The following KIAA1958 variants were observed in gnomAD, a reference collection of about 807,000 sequenced individuals.
KIAA1958 encodes uncharacterized protein KIAA1958.
In KIAA1958, 14 loss-of-function variants were observed where a neutral mutation model predicts 47.2. That is an observed-to-expected ratio of 0.30 (90% CI 0.20 to 0.46). The LOEUF is 0.46. Among genes scored for constraint, KIAA1958 ranks in the 20% least tolerant of loss-of-function variants. KIAA1958 has a pLI of 1.00. For missense variants in KIAA1958, 803 were observed against 909.2 expected (o/e 0.88, Z 1.50); for synonymous variants, 354 against 353.3 (o/e 1.00, Z -0.02).
intron 1 of KIAA1958, among the ~76,000 whole-genome samples, chr9:112,544,278 G>A (rs1483035963): frequency 6.6e-6 from 1 of 152,166 alleles, no homozygotes; most frequent in Non-Finnish European, 1.5e-5. Flanking sequence ...AGGGCCCTGC[G>A]AGACCACTAT....
In KIAA1958 at chr9:112,524,864, G is replaced by A. The variant is rs138152461; in HGVS notation, c.-25+37746G>A. Among the ~76,000 whole-genome samples the A allele has an allele frequency of 2.4e-4, 36 of 152,314 alleles. No homozygotes were observed. The East Asian group carries it at 6.7e-3, about 29-fold the overall frequency. ...TTCACAGCGCCCTGATGCTTCCAAAGGAGTCAAGGCTTATCACTATGGTAA... is the reference window on the plus strand; with the variant it reads ...TTCACAGCGCCCTGATGCTTCCAAAAGAGTCAAGGCTTATCACTATGGTAA... On this transcript the variant is annotated intron_variant, in intron 1 of 3. Coordinates refer to ENST00000337530, the MANE Select transcript of KIAA1958 (RefSeq NM_133465.4).
chr9:112,570,144 CAAAT>C (rs1835508075), intron 1 of KIAA1958, among the ~76,000 whole-genome samples: 1 of 152,202 alleles, frequency 6.6e-6, no homozygotes, highest in African/African-American at 2.4e-5. Context: ...CTTTGACAGT[CAAAT>C]AACTAATCAA....
chr9:112,508,464 A>G (rs1834270116), intron 1 of KIAA1958, among the ~76,000 whole-genome samples: 1 of 152,266 alleles, frequency 6.6e-6, no homozygotes, highest in Admixed American at 6.5e-5. Flanking sequence ...ATAAGCATAT[A>G]TTAAAGCAGC....
chr9:112,490,768 A>G (rs1290422261), intron 1 of KIAA1958, among the ~76,000 whole-genome samples: 1 of 152,232 alleles, frequency 6.6e-6, no homozygotes, highest in Non-Finnish European at 1.5e-5. Flanking sequence ...AAACAGTTGG[A>G]GAGCTTTTTC....
At position 112,593,320 on chromosome 9, in the gene KIAA1958, A is replaced by C. The variant is rs146822318; in HGVS notation, c.1171+18069A>C. Reference sequence around the variant, plus strand: ...ACCCCCTTGAATGTGAAATTCATGCAGCTTGGCCCATAACCAGTTCCCGGC... The same window carrying C: ...ACCCCCTTGAATGTGAAATTCATGCCGCTTGGCCCATAACCAGTTCCCGGC... On this transcript the variant is annotated intron_variant, in intron 2 of 3. Coordinates refer to ENST00000337530, the MANE Select transcript of KIAA1958 (RefSeq NM_133465.4). Among the ~76,000 whole-genome samples, 103 of 152,322 alleles carry C rather than the reference A, an allele frequency of 6.8e-4. 1 individual carries two copies. Among genetic ancestry groups the C allele is most frequent in the African/African-American group, 2.4e-3 (100 of 41,578 alleles).
chr9:112,657,221 G>A (rs186223768), intron 3 of KIAA1958, among the ~76,000 whole-genome samples: 1 of 152,076 alleles, frequency 6.6e-6, no homozygotes, highest in African/African-American at 2.4e-5. Context: ...CCAAGTAGCT[G>A]GGACTGGACT....
chr9:112,650,435 G>A (rs1564201872), intron 3 of KIAA1958, among the ~76,000 whole-genome samples: 1 of 152,136 alleles, frequency 6.6e-6, no homozygotes. Flanking sequence ...ATAAGTGGAT[G>A]AATGAAAGGG....
rs371540488 is a variant in KIAA1958 at position 112,554,265 on chromosome 9, C to T, written c.-24-19792C>T. 4.1e-4 allele frequency among the ~76,000 whole-genome samples: 62 copies of T among 152,178 alleles called. 1 individual carries two copies. Among genetic ancestry groups the T allele is most frequent in the East Asian group, 5.8e-4 (3 of 5,182 alleles). ...CTGTAATCCCAACACTTTGGGAGGC[C>T]GAGGCGGGCGGATCACGAGGTCAGG... On this transcript the variant is annotated intron_variant, in intron 1 of 3. Transcript: ENST00000337530.
At chr9:112,538,878 T>TA (rs1429417623) in intron 1 of KIAA1958, among the ~76,000 whole-genome samples, 4 of 152,184 alleles carry the variant, frequency 2.6e-5, no homozygotes, top group Non-Finnish European at 5.9e-5. Context: ...ACAAAAAACT[T>TA]ATGATACTCA....
chr9:112,644,201 A>G (rs1053490867), intron 2 of KIAA1958, among the ~76,000 whole-genome samples: 1 of 151,734 alleles, frequency 6.6e-6, no homozygotes, highest in Non-Finnish European at 1.5e-5. Context: ...CAAACAAAAA[A>G]CAAAAAACAA....
rs981729393 is a variant in KIAA1958, at chr9:112,575,184, C to G, written c.1104C>G (p.Ser368Arg). 6.3e-7 allele frequency: 1 copy of G among 1,591,862 alleles called. No homozygotes were observed. The change falls in exon 2 of 4, where the codon AGC (serine) becomes AGG (arginine). Residue 368 changes from serine to arginine, a missense_variant. Physicochemically the swap from Ser to Arg is moderately radical, Grantham distance 110 (BLOSUM62 -1). Transcript: ENST00000337530. Reference sequence around the variant, plus strand: ...CAGTTAACACAGAGCCAGAAGTGAGCTCCAGTCAGCAGCAGCCCCCAGTCG... The same window carrying G: ...CAGTTAACACAGAGCCAGAAGTGAGGTCCAGTCAGCAGCAGCCCCCAGTCG... ...SPSVNTEPEVSSSQQQPPVAP... is the reference protein window; with the variant it reads ...SPSVNTEPEVRSSQQQPPVAP...
In KIAA1958 at chr9:112,547,837, A is replaced by G. The variant is rs1452220047; in HGVS notation, c.-24-26220A>G. 2.6e-5 allele frequency among the ~76,000 whole-genome samples: 4 copies of G among 152,030 alleles called. No homozygotes were observed. In the East Asian group the frequency reaches 5.8e-4, roughly 22 times the overall value. On this transcript the variant is annotated intron_variant, in intron 1 of 3. Coordinates refer to ENST00000337530, the MANE Select transcript of KIAA1958 (RefSeq NM_133465.4). The stretch of plus-strand genomic sequence containing the variant: ...TAAGTCTGATTAAGAAACATTTACA[A>G]TCTATTCTCTCTGAAGCCTGCTGCC...
intron 1 of KIAA1958, among the ~76,000 whole-genome samples, chr9:112,506,443 G>A (rs980046165): frequency 6.6e-6 from 1 of 152,154 alleles, no homozygotes; most frequent in African/African-American, 2.4e-5. Flanking sequence ...GTGACAGAGC[G>A]AGACTCTGTT....
intron 1 of KIAA1958, among the ~76,000 whole-genome samples, chr9:112,536,809 T>C (rs765108551): frequency 1.2e-4 from 18 of 151,902 alleles, no homozygotes; most frequent in Non-Finnish European, 2.4e-4. Flanking sequence ...AAAAACCCAA[T>C]CTTGTATCAT....
intron 2 of KIAA1958, among the ~76,000 whole-genome samples, chr9:112,577,053 G>A (rs1267525943): frequency 6.6e-6 from 1 of 152,138 alleles, no homozygotes; most frequent in East Asian, 1.9e-4. Context: ...TTGGGTGTGT[G>A]AAGTAGTATC....
At chr9:112,502,758 C>G (rs145456449) in intron 1 of KIAA1958, among the ~76,000 whole-genome samples, 1 of 152,108 alleles carries the variant, frequency 6.6e-6, no homozygotes, top group Non-Finnish European at 1.5e-5. Context: ...TGAGTAGTTA[C>G]GATAGAGATC....
chr9:112,620,790 TA>T (rs949438335), intron 2 of KIAA1958, among the ~76,000 whole-genome samples: 5 of 147,014 alleles, frequency 3.4e-5, no homozygotes, highest in South Asian at 4.3e-4. Flanking sequence ...TTACTAATCT[TA>T]AAAAAAAAGA....
At chr9:112,487,341 G>C (rs1050868978) in intron 1 of KIAA1958, 4 of 151,976 alleles carry the variant, frequency 2.6e-5, no homozygotes, top group Non-Finnish European at 4.4e-5. Flanking sequence ...CGCCGGGCTT[G>C]GGGGTGCGAG....
intron 2 of KIAA1958, among the ~76,000 whole-genome samples, chr9:112,586,115 A>C (rs1418075321): frequency 3.3e-5 from 5 of 152,240 alleles, no homozygotes; most frequent in Non-Finnish European, 7.3e-5. Context: ...AGATGCTGTT[A>C]ATCAAATTGT....
Sources: allele counts gnomAD v4.1 joint callset (sites outside exome capture counted in the v4.1 genomes callset), GRCh38; gene constraint gnomAD v4.1.1; transcripts MANE v1.5; gene names NCBI Gene and HGNC (gene_info 2026-07-23, HGNC 2026-07-21).